Variants in ARMC8 observed in about 807,000 individuals in gnomAD.
The protein encoded by ARMC8 is armadillo repeat-containing protein 8.
In ARMC8, 20 loss-of-function variants were observed where a neutral mutation model predicts 99.3. The ratio of observed to expected loss-of-function variants is 0.20; its 90% CI spans 0.14 to 0.29. The LOEUF is 0.29. ARMC8 is among the 10% of genes least tolerant of loss of function. The pLI, the probability that ARMC8 is intolerant of heterozygous loss-of-function variation, is 1.00. For missense variants in ARMC8, 569 were observed against 809.5 expected (o/e 0.70, Z 3.60); for synonymous variants, 263 against 278.3 (o/e 0.95, Z 0.55).
At chr3:138,203,410 G>A (rs573540811) in intron 1 of ARMC8, among the ~76,000 whole-genome samples, 1 of 152,278 alleles carries the variant, frequency 6.6e-6, no homozygotes, top group South Asian at 2.1e-4. Context: ...TTGCAGTGAG[G>A]GTGTCAGCAG....
chr3:138,228,714 A>G (rs2045823437), intron 5 of ARMC8: 1 of 544,656 alleles, frequency 1.8e-6, no homozygotes, highest in Non-Finnish European at 3.5e-6. Context: ...GCTACCAGGG[A>G]TGAATATTGA....
intron 1 of ARMC8, among the ~76,000 whole-genome samples, chr3:138,189,758 TC>T (rs2043271557): frequency 6.6e-6 from 1 of 152,226 alleles, no homozygotes; most frequent in South Asian, 2.1e-4. Flanking sequence ...CCTTAACTGA[TC>T]AGTTCACACA....
chr3:138,255,531 A>G (rs1342441812), intron 12 of ARMC8, among the ~76,000 whole-genome samples: 1 of 151,944 alleles, frequency 6.6e-6, no homozygotes, highest in African/African-American at 2.4e-5. Flanking sequence ...AAGATCATGG[A>G]GTTAGAAGAA....
chr3:138,221,693 C>T (rs2045404013), intron 2 of ARMC8, among the ~76,000 whole-genome samples: 1 of 152,106 alleles, frequency 6.6e-6, no homozygotes, highest in South Asian at 2.1e-4. Context: ...CAATTCTGTA[C>T]TGGAAGTCTT....
intron 1 of ARMC8, among the ~76,000 whole-genome samples, chr3:138,197,275 G>A (rs866404076): frequency 5.1e-4 from 77 of 152,298 alleles, no homozygotes; most frequent in Non-Finnish European, 2.9e-4. Flanking sequence ...TGCAAATGAT[G>A]GGCTGAGTCT....
chr3:138,247,530 A>G (rs116989578), intron 12 of ARMC8, among the ~76,000 whole-genome samples: 1,985 of 152,372 alleles, frequency 0.013, 78 homozygotes, highest in East Asian at 0.078. Flanking sequence ...TAAATTAAAA[A>G]TGAGAACATA....
intron 12 of ARMC8, among the ~76,000 whole-genome samples, chr3:138,255,129 C>A (rs1260808841): frequency 6.6e-6 from 1 of 151,708 alleles, no homozygotes; most frequent in Non-Finnish European, 1.5e-5. Context: ...TTTTAGGTCT[C>A]CAGCTGAGAG....
intron 15 of ARMC8, among the ~76,000 whole-genome samples, chr3:138,268,461 C>A (rs921832988): frequency 2.6e-5 from 4 of 152,164 alleles, no homozygotes; most frequent in Non-Finnish European, 5.9e-5. Context: ...TCATCCTTAA[C>A]TGCTCTTATA....
chr3:138,203,182 A>G (rs2107997870), intron 1 of ARMC8, among the ~76,000 whole-genome samples: 1 of 152,356 alleles, frequency 6.6e-6, no homozygotes. Context: ...ATCTTATTTT[A>G]TGCATATTAT....
intron 12 of ARMC8, among the ~76,000 whole-genome samples, chr3:138,259,760 C>T (rs997931319): frequency 6.6e-6 from 1 of 152,186 alleles, no homozygotes; most frequent in Non-Finnish European, 1.5e-5. Flanking sequence ...TACTCTGTCT[C>T]CAAAGTATCA....
chr3:138,212,054 CTACTTAAAA>C (rs2044724422), intron 2 of ARMC8, among the ~76,000 whole-genome samples: 1 of 152,066 alleles, frequency 6.6e-6, no homozygotes, highest in South Asian at 2.1e-4. Context: ...AACGTGATTG[CTACTTAAAA>C]TACTAAAATC....
At position 138,203,768 on chromosome 3, in the gene ARMC8, A is replaced by T. The variant is rs2044209544; in HGVS notation, c.46-6049A>T. ...TTAATAAAAGGAAAACTGCTTCCAC[A>T]TAATACTTTTCCACAATGGAATACA... On this transcript the variant is annotated intron_variant, in intron 1 of 21. Transcript: ENST00000469044. 2.0e-5 allele frequency among the ~76,000 whole-genome samples: 3 copies of T among 152,226 alleles called. No individual in the cohort carries two copies. In the South Asian group the frequency reaches 6.2e-4, roughly 31 times the overall value.
At chr3:138,291,027 T>A (rs578129471) in intron 21 of ARMC8, among the ~76,000 whole-genome samples, 7 of 152,226 alleles carry the variant, frequency 4.6e-5, no homozygotes, top group Non-Finnish European at 8.8e-5. Flanking sequence ...CTGGCCCAGC[T>A]CCTGGGGATA....
chr3:138,285,548 C>T (rs1367976574), intron 19 of ARMC8, among the ~76,000 whole-genome samples: 2 of 152,200 alleles, frequency 1.3e-5, no homozygotes, highest in African/African-American at 4.8e-5. Context: ...CTCTCTGTTT[C>T]ACCCTTCAAA....
intron 6 of ARMC8, among the ~76,000 whole-genome samples, chr3:138,229,216 T>G (rs969914173): frequency 7.3e-6 from 1 of 136,358 alleles, no homozygotes; most frequent in Non-Finnish European, 1.6e-5. Flanking sequence ...ATATAAAATA[T>G]ATATATATTT....
chr3:138,215,797 A>G (rs2044993888), intron 2 of ARMC8, among the ~76,000 whole-genome samples: 1 of 152,158 alleles, frequency 6.6e-6, no homozygotes, highest in Non-Finnish European at 1.5e-5. Flanking sequence ...GGAACCATAA[A>G]ATGCTATGGA....
intron 2 of ARMC8, among the ~76,000 whole-genome samples, chr3:138,216,700 G>GT (rs1344272865): frequency 6.6e-6 from 1 of 152,108 alleles, no homozygotes; most frequent in Non-Finnish European, 1.5e-5. Context: ...ACAAATGAAT[G>GT]TTTTATAAAC....
intron 6 of ARMC8, among the ~76,000 whole-genome samples, chr3:138,232,597 T>C (rs2046111652): frequency 6.6e-6 from 1 of 152,220 alleles, no homozygotes; most frequent in Admixed American, 6.5e-5. Flanking sequence ...TATAGGGTAC[T>C]AGTTAAAGTT....
At chr3:138,223,757 C>T in intron 5 of ARMC8, 24 bp downstream of exon 5, 1 of 1,569,798 alleles carries the variant, frequency 6.4e-7, no homozygotes, top group Non-Finnish European at 8.8e-7. Context: ...GTATTTGAGA[C>T]ATTAGTTACA....
Sources: gnomAD v4.1 joint callset for allele counts (sites outside exome capture counted in the v4.1 genomes callset) on GRCh38, gnomAD v4.1.1 for gene constraint, MANE v1.5 for transcripts, NCBI Gene and HGNC (gene_info 2026-07-23, HGNC 2026-07-21) for gene names.